Variants in OGT observed in about 807,000 individuals in gnomAD.
The protein encoded by OGT is UDP-N-acetylglucosamine--peptide N-acetylglucosaminyltransferase 110 kDa subunit.
Under a neutral mutation model 75.8 loss-of-function variants are expected in OGT, and 3 were observed. The observed-to-expected ratio is 0.04, with a 90% CI of 0.02 to 0.10. The LOEUF (loss-of-function observed/expected upper bound fraction) is 0.10, where lower values mean the gene tolerates loss of function less well. Among genes scored for constraint, OGT ranks in the 10% least tolerant of loss-of-function variants. The pLI, the probability that OGT is intolerant of heterozygous loss-of-function variation, is 1.00. For synonymous variants in OGT, 257 were observed against 289.7 expected (o/e 0.89, Z 1.15); for missense variants, 260 against 824.4 (o/e 0.32, Z 8.38).
In OGT at chrX:71,573,877, T is replaced by A. The variant is rs368585060; in HGVS notation, c.*83T>A. The A allele has an allele frequency of 1.8e-5, 14 of 761,162 alleles. No homozygotes were observed. Among genetic ancestry groups the A allele is most frequent in the South Asian group, 1.4e-4 (4 of 28,750 alleles). 62.7% of individuals were successfully genotyped at this position (761,162 alleles called of 1,213,427 possible). ...GGGAACTAGATAACATACTTCTTACTTGTCTGTACAGTACCTTGTTGCAGA... is the reference window on the plus strand; with the variant it reads ...GGGAACTAGATAACATACTTCTTACATGTCTGTACAGTACCTTGTTGCAGA... On this transcript the variant is annotated 3_prime_UTR_variant, in exon 22 of 22. Transcript: ENST00000373719.
intron 12 of OGT, among the ~76,000 whole-genome samples, chrX:71,558,343 A>G (rs776785455): frequency 1.8e-5 from 2 of 109,487 alleles, no homozygotes; most frequent in East Asian, 5.7e-4. Context: ...AGGTTGGATA[A>G]TAGATTGGAG....
chrX:71,540,912 A>T (rs2040213752), intron 3 of OGT, among the ~76,000 whole-genome samples: 1 of 111,538 alleles, frequency 9.0e-6, no homozygotes, highest in Admixed American at 9.6e-5. Context: ...GCCTCAACAG[A>T]TCCGCCTGCT....
At chrX:71,569,816 A>G (rs1483492506) in intron 21 of OGT, among the ~76,000 whole-genome samples, 1 of 108,296 alleles carries the variant, frequency 9.2e-6, no homozygotes, top group Non-Finnish European at 1.9e-5. Flanking sequence ...GCTCACTGCA[A>G]CCTCCACCTC....
At chrX:71,569,285 G>A (rs774839080) in intron 21 of OGT, among the ~76,000 whole-genome samples, 3 of 111,229 alleles carry the variant, frequency 2.7e-5, no homozygotes, top group East Asian at 5.8e-4. Context: ...CTGAGATTGC[G>A]TCACTGCACT....
In OGT at chrX:71,544,521, T is replaced by C. The variant is rs779129461; in HGVS notation, c.463-46T>C. 9.0e-6 allele frequency: 10 copies of C among 1,111,197 alleles called. No homozygotes were observed. In the Admixed American group the frequency reaches 2.3e-4, roughly 26 times the overall value. The allele number at this position is 1,111,197 out of a possible 1,213,427, so 91.6% of individuals were successfully genotyped here. On this transcript the variant is annotated intron_variant, in intron 3 of 21. Coordinates refer to ENST00000373719, the MANE Select transcript of OGT (RefSeq NM_181672.3). ...AAAAGTGATTTCAAGATATTTTTAA[T>C]TGACAAAGCAGAGTATAATTAATGA... is the stretch of plus-strand genomic sequence containing the variant.
At position 71,559,022 on chromosome X, in the gene OGT, A is replaced by G. The variant is rs1306157636; in HGVS notation, c.1603-245A>G. ...GGTCTCGAACTCCTGACCTCAAGCG[A>G]TCCACCTCCTTGGCTTCCCAGAGCG... On this transcript the variant is annotated intron_variant, in intron 12 of 21. Transcript: ENST00000373719. 2.9e-5 allele frequency among the ~76,000 whole-genome samples: 3 copies of G among 102,738 alleles called. No individual in the cohort carries two copies. In the East Asian group the frequency reaches 9.0e-4, roughly 31 times the overall value. The allele number at this position is 102,738 out of a possible 115,157, so 89.2% of individuals were successfully genotyped here.
At chrX:71,565,140 C>G (rs192776918) in intron 19 of OGT, among the ~76,000 whole-genome samples, 6,532 of 112,165 alleles carry the variant, frequency 0.058, 195 homozygotes, top group Middle Eastern at 0.18. Flanking sequence ...GACTGGGCAA[C>G]AAGAGCAAAC....
At chrX:71,562,218 C>T (rs1405958061) in intron 15 of OGT, among the ~76,000 whole-genome samples, 1 of 112,685 alleles carries the variant, frequency 8.9e-6, no homozygotes, top group Non-Finnish European at 1.9e-5. Context: ...AATCCCAGCA[C>T]TTTGGGATGC....
At chrX:71,549,481 A>G (rs970161391) in intron 5 of OGT, among the ~76,000 whole-genome samples, 2 of 109,217 alleles carry the variant, frequency 1.8e-5, no homozygotes, top group South Asian at 3.9e-4. Flanking sequence ...GCAGTTTCCA[A>G]TTTTGTGTTG....
chrX:71,571,793 G>A (rs1319613443), intron 21 of OGT, among the ~76,000 whole-genome samples: 3 of 109,034 alleles, frequency 2.8e-5, no homozygotes, highest in Non-Finnish European at 5.7e-5. Context: ...GTTTTGAAAC[G>A]GAGTCTTGCT....
chrX:71,556,108 G>T lies in OGT; in HGVS notation c.1065+14G>T. On this transcript the variant is annotated intron_variant, in intron 8 of 21. Transcript: ENST00000373719. ...AAAGCATTAGAAGTATGTGAGGGTG[G>T]TGTAGCTGGGCATTTAGCATGATAG... is the stretch of plus-strand genomic sequence containing the variant. The T allele has an allele frequency of 3.3e-6, 4 of 1,205,403 alleles. No individual in the cohort carries two copies. The highest frequency in any genetic ancestry group is 2.2e-5 in the Admixed American group (1 of 45,553).
intron 1 of OGT, among the ~76,000 whole-genome samples, chrX:71,534,706 C>T (rs2040162932): frequency 9.0e-6 from 1 of 111,376 alleles, no homozygotes; most frequent in South Asian, 3.8e-4. Context: ...ACTAGCTTGC[C>T]CTTTTTAATG....
intron 18 of OGT, among the ~76,000 whole-genome samples, chrX:71,563,909 AC>A (rs1451825573): frequency 8.9e-6 from 1 of 112,095 alleles, no homozygotes; most frequent in Non-Finnish European, 1.9e-5. Context: ...CTTCATTGGT[AC>A]CTGTCTTTTA....
intron 2 of OGT, chrX:71,536,962 GTT>G (rs1195640430): frequency 8.1e-3 from 983 of 120,960 alleles, no homozygotes; most frequent in Middle Eastern, 0.024. Context: ...AATGTGGTGG[GTT>G]TTTTTTTTTT....
intron 5 of OGT, among the ~76,000 whole-genome samples, chrX:71,552,005 C>T (rs1423169048): frequency 1.8e-5 from 2 of 109,889 alleles, no homozygotes; most frequent in African/African-American, 3.3e-5. Context: ...GTCAGGAGTT[C>T]GAGACCAGCC....
intron 19 of OGT, among the ~76,000 whole-genome samples, chrX:71,565,070 A>T (rs2040407781): frequency 8.9e-6 from 1 of 112,095 alleles, no homozygotes; most frequent in African/African-American, 3.2e-5. Flanking sequence ...GAGACAGGAG[A>T]ATCACTTGAA....
intron 14 of OGT, among the ~76,000 whole-genome samples, 157 bp from the exon 15 acceptor site, chrX:71,561,618 C>T (rs749300085): frequency 2.8e-4 from 31 of 111,205 alleles, no homozygotes; most frequent in Non-Finnish European, 4.3e-4. Context: ...TATTTGTGCC[C>T]GAATTAATGT....
intron 5 of OGT, among the ~76,000 whole-genome samples, chrX:71,551,391 G>A (rs983678711): frequency 8.9e-6 from 1 of 112,496 alleles, no homozygotes; most frequent in Non-Finnish European, 1.9e-5. Flanking sequence ...CAGCACTTCG[G>A]GAGGCCATGG....
intron 12 of OGT, among the ~76,000 whole-genome samples, 178 bp from the exon 13 acceptor site, chrX:71,559,089 A>G (rs2040364826): frequency 9.2e-6 from 1 of 109,168 alleles, no homozygotes; most frequent in Admixed American, 9.9e-5. Context: ...GAGCAGGTCA[A>G]AGTATGAAGC....
Sources: gnomAD v4.1 joint callset for allele counts (sites outside exome capture counted in the v4.1 genomes callset) on GRCh38, gnomAD v4.1.1 for gene constraint, MANE v1.5 for transcripts, NCBI Gene and HGNC (gene_info 2026-07-23, HGNC 2026-07-21) for gene names.